The following GRM7 variants were observed in gnomAD, a reference collection of about 807,000 sequenced individuals.
GRM7 encodes glutamate metabotropic receptor 7.
Under a neutral mutation model 84.5 loss-of-function variants are expected in GRM7, and 35 were observed. The observed-to-expected ratio is 0.41, with a 90% CI of 0.32 to 0.55. The LOEUF is 0.55. GRM7 is among the 20% of genes least tolerant of loss of function. The pLI, the probability that GRM7 is intolerant of heterozygous loss-of-function variation, is 0.19. For missense variants in GRM7, 1,003 were observed against 1,194.6 expected, an observed-to-expected ratio of 0.84 and a Z score of 2.36; for synonymous variants, 487 against 455.1, an observed-to-expected ratio of 1.07 and a Z score of -0.89.
At chr3:6,985,760 C>A (rs773004334) in intron 1 of GRM7, among the ~76,000 whole-genome samples, 1 of 152,096 alleles carries the variant, frequency 6.6e-6, no homozygotes, top group Non-Finnish European at 1.5e-5. Context: ...TTGGGCCTAG[C>A]AGGAACAAAA....
intron 1 of GRM7, among the ~76,000 whole-genome samples, chr3:7,118,077 A>G (rs9821684): frequency 0.055 from 8,406 of 152,196 alleles, 596 homozygotes; most frequent in African/African-American, 0.16. Context: ...TTTCCTATGC[A>G]TAATTATTTA....
At chr3:7,709,827 G>A (rs770992973) in intron 9 of GRM7, among the ~76,000 whole-genome samples, 24 of 152,268 alleles carry the variant, frequency 1.6e-4, no homozygotes, top group Admixed American at 3.9e-4. Context: ...TCCATTACAG[G>A]AAGCTGCCTT....
chr3:7,121,206 C>G (rs565512464), intron 1 of GRM7, among the ~76,000 whole-genome samples: 2 of 152,230 alleles, frequency 1.3e-5, no homozygotes, highest in East Asian at 3.9e-4. Context: ...ACGGCAGATT[C>G]CATTAAAAAG....
Position 7,651,233 on chromosome 3 carries a change from C to A in GRM7, c.2452-28816C>A, listed in dbSNP as rs144740038. Among the ~76,000 whole-genome samples, 354 of 152,188 alleles carry A rather than the reference C, an allele frequency of 2.3e-3. 1 individual carries two copies. Among genetic ancestry groups the A allele is most frequent in the Non-Finnish European group, 3.9e-3 (262 of 67,998 alleles). On this transcript the variant is annotated intron_variant, in intron 8 of 9. Transcript: ENST00000357716. ...ACCTTATCCTGGAAAAGAATTAAAG[C>A]CACAAGATAGGTGGGAGTGAAGGGG...
intron 9 of GRM7, among the ~76,000 whole-genome samples, chr3:7,738,024 T>C (rs1702564544): frequency 6.6e-6 from 1 of 152,056 alleles, no homozygotes; most frequent in Admixed American, 6.6e-5. Flanking sequence ...ATTTTATGTA[T>C]ATTTAGTAGA....
At chr3:7,380,207 T>C (rs1365276192) in intron 4 of GRM7, among the ~76,000 whole-genome samples, 1 of 152,212 alleles carries the variant, frequency 6.6e-6, no homozygotes, top group African/African-American at 2.4e-5. Context: ...GTGTCTTTCA[T>C]GAATGAATAA....
intron 2 of GRM7, among the ~76,000 whole-genome samples, chr3:7,224,244 C>A (rs557645414): frequency 1.3e-5 from 2 of 152,036 alleles, no homozygotes; most frequent in Non-Finnish European, 2.9e-5. Flanking sequence ...GAAGGGGGAG[C>A]GCATATATTA....
intron 1 of GRM7, among the ~76,000 whole-genome samples, chr3:7,023,507 G>C (rs148292987): frequency 6.6e-6 from 1 of 152,250 alleles, no homozygotes; most frequent in East Asian, 1.9e-4. Flanking sequence ...CACTCACCGC[G>C]TGAGTCTTCT....
rs186310016 is a variant in GRM7, at chr3:7,220,652, G to A, written c.736+73984G>A. 2.2e-3 allele frequency among the ~76,000 whole-genome samples: 333 copies of A among 152,238 alleles called. 5 individuals carry two copies. The highest frequency in any genetic ancestry group is 7.6e-3 in the African/African-American group (314 of 41,542). On this transcript the variant is annotated intron_variant, in intron 2 of 9. Coordinates refer to ENST00000357716, the MANE Select transcript of GRM7 (RefSeq NM_000844.4). ...AAAGTATGAATTTAGTTAATGATAC[G>A]TCAACATTGGTTGATTAATTGTGAC...
chr3:6,980,489 G>T (rs1694158538), intron 1 of GRM7, among the ~76,000 whole-genome samples: 1 of 152,148 alleles, frequency 6.6e-6, no homozygotes, highest in South Asian at 2.1e-4. Context: ...GGGAAGCCTA[G>T]ATCTCTAGCT....
At chr3:7,196,305 C>G (rs1025562647) in intron 2 of GRM7, among the ~76,000 whole-genome samples, 4 of 152,098 alleles carry the variant, frequency 2.6e-5, no homozygotes, top group African/African-American at 9.7e-5. Context: ...AAAGTCCACC[C>G]ATTTAAATGT....
chr3:7,075,532 G>GTGTGTGTGTT lies in GRM7; in HGVS notation c.520-70911_520-70910insTTGTGTGTGT, dbSNP rs1553613969. Among the ~76,000 whole-genome samples, 536 of 147,828 alleles carry GTGTGTGTGTT rather than the reference G, an allele frequency of 3.6e-3. 3 individuals are homozygous for GTGTGTGTGTT. Among genetic ancestry groups the GTGTGTGTGTT allele is most frequent in the South Asian group, 5.1e-3 (24 of 4,680 alleles). On this transcript the variant is annotated intron_variant, in intron 1 of 9. Transcript: ENST00000357716. ...TGTGTGTGTGTGTGTGTGTGTGTGT[G>GTGTGTGTGTT]TGTGTGTGTGTGTTTGGAGATGGAG...
At chr3:7,011,733 A>G (rs930526556) in intron 1 of GRM7, among the ~76,000 whole-genome samples, 1 of 152,224 alleles carries the variant, frequency 6.6e-6, no homozygotes, top group Non-Finnish European at 1.5e-5. Flanking sequence ...AGGCAGAGTT[A>G]CCTATACTGA....
At chr3:7,024,185 T>TACA (rs921537074) in intron 1 of GRM7, among the ~76,000 whole-genome samples, 4 of 152,166 alleles carry the variant, frequency 2.6e-5, no homozygotes, top group Admixed American at 1.3e-4. Flanking sequence ...TCATCTTATT[T>TACA]ACAACAGACC....
intron 9 of GRM7, among the ~76,000 whole-genome samples, chr3:7,730,491 G>A (rs573295322): frequency 1.6e-4 from 24 of 152,286 alleles, no homozygotes; most frequent in East Asian, 1.2e-3. Context: ...GAAACTGTTC[G>A]AGGATATGGA....
chr3:6,880,281 C>G (rs1287924811), intron 1 of GRM7, among the ~76,000 whole-genome samples: 1 of 152,162 alleles, frequency 6.6e-6, no homozygotes, highest in Non-Finnish European at 1.5e-5. Flanking sequence ...AATTACTTAT[C>G]TGTAAATAGC....
chr3:7,420,034 T>C (rs1696331322), intron 5 of GRM7, among the ~76,000 whole-genome samples: 1 of 152,202 alleles, frequency 6.6e-6, no homozygotes, highest in Non-Finnish European at 1.5e-5. Flanking sequence ...AGCTGTGTTT[T>C]TCTTTACACC....
intron 2 of GRM7, among the ~76,000 whole-genome samples, chr3:7,295,213 A>G (rs1200311295): frequency 6.6e-6 from 1 of 152,214 alleles, no homozygotes; most frequent in East Asian, 1.9e-4. Flanking sequence ...CTGCATAAGA[A>G]AATCCAATTA....
intron 4 of GRM7, among the ~76,000 whole-genome samples, chr3:7,373,907 A>G (rs1694239071): frequency 6.6e-6 from 1 of 152,324 alleles, no homozygotes. Context: ...CTGCATTTTT[A>G]TTTAACCTTA....
Sources: gnomAD v4.1 joint callset for allele counts (sites outside exome capture counted in the v4.1 genomes callset) on GRCh38, gnomAD v4.1.1 for gene constraint, MANE v1.5 for transcripts, NCBI Gene and HGNC (gene_info 2026-07-23, HGNC 2026-07-21) for gene names.